The following MGA variants were observed in gnomAD, a reference collection of about 807,000 sequenced individuals.
MGA encodes MAX dimerization protein MGA.
MGA carries 40 observed loss-of-function variants against 261.1 expected under a neutral mutation model. That is an observed-to-expected ratio of 0.15 (90% CI 0.12 to 0.20). The LOEUF (loss-of-function observed/expected upper bound fraction) is 0.20, where lower values mean the gene tolerates loss of function less well. Ranked by LOEUF, MGA falls within the 10% of genes least tolerant of loss-of-function variation. The pLI, the probability that MGA is intolerant of heterozygous loss-of-function variation, is 1.00. For synonymous variants in MGA, 1,302 were observed against 1,290.6 expected (o/e 1.01, Z -0.19); for missense variants, 3,397 against 3,630.5 (o/e 0.94, Z 1.65).
At chr15:41,718,369 T>G in intron 9 of MGA, 1 of 883,814 alleles carries the variant, frequency 1.1e-6, no homozygotes, top group Non-Finnish European at 1.7e-6. Context: ...TCTTAAGAAG[T>G]TTAAAACACC....
In MGA at chr15:41,710,971, CA is replaced by C; in HGVS notation, c.2707del (p.Arg903AspfsTer30). 1 of 1,614,004 alleles carries C rather than the reference CA, an allele frequency of 6.2e-7. No individual in the cohort carries two copies. Among genetic ancestry groups the C allele is most frequent in the Non-Finnish European group, 8.5e-7 (1 of 1,179,890 alleles). On this transcript the variant is annotated frameshift_variant, in exon 8 of 24. Coordinates refer to ENST00000219905, the MANE Select transcript of MGA (RefSeq NM_001164273.2). LOFTEE classifies it high-confidence loss of function. Reference sequence around the variant, plus strand: ...TCTCTCGAAAGGCAAAGTCTCAAAACAGACAGGCAACTTTCAGTGGCCGAAC... The same window carrying C: ...TCTCTCGAAAGGCAAAGTCTCAAAACGACAGGCAACTTTCAGTGGCCGAAC...
Position 41,766,633 on chromosome 15 carries a change from A to G in MGA, c.8551A>G (p.Met2851Val), listed in dbSNP as rs375997810. 3.7e-5 allele frequency: 60 copies of G among 1,613,994 alleles called. No homozygotes were observed. The African/African-American group carries it at 5.3e-4, about 14-fold the overall frequency. Residue 2851 changes from methionine (M) to valine (V), a missense_variant, in exon 24 of 24, where the codon ATG becomes GTG. Coordinates refer to ENST00000219905, the MANE Select transcript of MGA (RefSeq NM_001164273.2). ...TGGCCTGGCTGAACTACCCAGCTCT[A>G]TGGATACAGAGTTCCCAGGGGATGC...
chr15:41,751,729 TA>T (rs745362876), intron 17 of MGA: 318 of 142,630 alleles, frequency 2.2e-3, no homozygotes, highest in Non-Finnish European at 2.1e-3. Flanking sequence ...TGTCTCGGGT[TA>T]AAAAAAAAAA....
chr15:41,731,033 A>G (rs548869940), intron 11 of MGA, among the ~76,000 whole-genome samples: 4 of 152,346 alleles, frequency 2.6e-5, no homozygotes, highest in East Asian at 1.9e-4. Context: ...CCAATTTTCT[A>G]TCCTGCATTT....
chr15:41,720,299 G>C (rs1297192479), intron 9 of MGA, among the ~76,000 whole-genome samples: 1 of 152,152 alleles, frequency 6.6e-6, no homozygotes, highest in Non-Finnish European at 1.5e-5. Flanking sequence ...ACTTTGTGGG[G>C]CCAAGGCAGG....
At chr15:41,697,718 G>A (rs550558698) in intron 3 of MGA, among the ~76,000 whole-genome samples, 2 of 151,002 alleles carry the variant, frequency 1.3e-5, no homozygotes, top group South Asian at 4.2e-4. Context: ...TCCTGGCCCT[G>A]GTTTTCAGTA....
Position 41,767,252 on chromosome 15 carries a change from G to C in MGA, c.9170G>C (p.Gly3057Ala), listed in dbSNP as rs376097905. ...GTTGTGGCTAAATTGGGCAACTCGG[G>C]GGCCTCACCAAGTTCTGCAGGGAAA... Residue 3057 changes from glycine to alanine, a missense_variant, in exon 24 of 24, where the codon GGG (glycine) becomes GCG (alanine). Physicochemically the swap from Gly to Ala is moderately conservative, Grantham distance 60. Transcript: ENST00000219905. 7 of 1,612,426 alleles carry C rather than the reference G, an allele frequency of 4.3e-6. No individual in the cohort carries two copies. The highest frequency in any genetic ancestry group is 5.9e-6 in the Non-Finnish European group (7 of 1,178,922).
chr15:41,654,934 C>T (rs1023070267), intron 1 of MGA, among the ~76,000 whole-genome samples: 3 of 152,128 alleles, frequency 2.0e-5, no homozygotes, highest in Non-Finnish European at 1.5e-5. Context: ...TCCATTACAG[C>T]TTGTTGCTTC....
intron 10 of MGA, among the ~76,000 whole-genome samples, chr15:41,728,219 T>C (rs1224219997): frequency 6.6e-6 from 1 of 152,086 alleles, no homozygotes; most frequent in African/African-American, 2.4e-5. Context: ...TAATCCCAGC[T>C]ACTCGGTAGG....
Position 41,699,537 on chromosome 15 carries a change from C to T in MGA, c.2188+378C>T, listed in dbSNP as rs1000469795. ...TGTTTGAGACGGAGTTTCGCTCTGT[C>T]GCCCAGGCGGCTGGAGTGCAGTGGT... On this transcript the variant is annotated intron_variant, in intron 5 of 23. Transcript: ENST00000219905. Among the ~76,000 whole-genome samples the T allele has an allele frequency of 8.5e-5, 13 of 152,152 alleles. No homozygotes were observed. In the South Asian group the frequency reaches 1.9e-3, roughly 22 times the overall value.
chr15:41,702,345 C>T (rs998126191), intron 5 of MGA, among the ~76,000 whole-genome samples: 3 of 150,538 alleles, frequency 2.0e-5, no homozygotes, highest in East Asian at 3.9e-4. Flanking sequence ...AAAAGCTGGA[C>T]TTAAACAGTT....
chr15:41,724,885 C>T (rs530722289), intron 9 of MGA, among the ~76,000 whole-genome samples: 8 of 152,082 alleles, frequency 5.3e-5, no homozygotes, highest in East Asian at 3.9e-4. Context: ...CTCAGGAGCC[C>T]CTTAGACAAA....
intron 2 of MGA, among the ~76,000 whole-genome samples, chr15:41,671,799 A>G (rs529953535): frequency 2.8e-4 from 42 of 152,164 alleles, no homozygotes; most frequent in Admixed American, 1.2e-3. Flanking sequence ...CTTGTCTATG[A>G]GCTGGTTATT....
intron 1 of MGA, among the ~76,000 whole-genome samples, chr15:41,633,045 G>A (rs555977306): frequency 1.3e-3 from 201 of 151,290 alleles, no homozygotes; most frequent in African/African-American, 4.7e-3. Flanking sequence ...TCTGCCTCCC[G>A]GGTTCAAGCG....
Position 41,764,968 on chromosome 15 carries a change from T to C in MGA, c.7827T>C (p.Gly2609=). Residue 2609 remains glycine (G), a synonymous_variant, in exon 23 of 24, where the codon GGT becomes GGC. Coordinates refer to ENST00000219905, the MANE Select transcript of MGA (RefSeq NM_001164273.2). ...AAGGGCAATTGCTCACCCTAAAAGG[T>C]CCCCTATTCTCAGGACCAGTGGTAG... 6 of 1,614,026 alleles carry C rather than the reference T, an allele frequency of 3.7e-6. No individual in the cohort carries two copies. The highest frequency in any genetic ancestry group is 5.1e-6 in the Non-Finnish European group (6 of 1,179,888).
intron 1 of MGA, among the ~76,000 whole-genome samples, chr15:41,623,667 C>T (rs1348922154): frequency 6.7e-6 from 1 of 148,820 alleles, no homozygotes; most frequent in Non-Finnish European, 1.5e-5. Flanking sequence ...GCGGAGGTTG[C>T]GGTGAGTGGA....
chr15:41,761,870 T>TCAC lies in MGA; in HGVS notation c.7510+21_7510+22insACC. On this transcript the variant is annotated intron_variant, in intron 21 of 23. Coordinates refer to ENST00000219905, the MANE Select transcript of MGA (RefSeq NM_001164273.2). ...TTTCAGGTGAGATAAGTAAATAATC[T>TCAC]CTGGTAAAGAGCATAATTATAGCTT... 1 of 1,459,700 alleles carries TCAC rather than the reference T, an allele frequency of 6.9e-7. No individual in the cohort carries two copies. The highest frequency in any genetic ancestry group is 9.4e-7 in the Non-Finnish European group (1 of 1,064,676). 90.4% of individuals were successfully genotyped at this position (1,459,700 alleles called of 1,614,324 possible). A position where few individuals can be genotyped will look rare whatever the true frequency, so the allele number is the denominator to read the frequency against.
At chr15:41,640,621 C>G (rs775722275) in intron 1 of MGA, among the ~76,000 whole-genome samples, 2 of 151,960 alleles carry the variant, frequency 1.3e-5, no homozygotes, top group Non-Finnish European at 2.9e-5. Flanking sequence ...CCGGTTCAAG[C>G]GATTCTCCTG....
Position 41,692,559 on chromosome 15 carries a change from T to G in MGA, c.1065-3516T>G, listed in dbSNP as rs532047966. 8.5e-5 allele frequency among the ~76,000 whole-genome samples: 13 copies of G among 152,344 alleles called. No individual in the cohort carries two copies. In the East Asian group the frequency reaches 2.5e-3, roughly 29 times the overall value. ...CACCTAGAGAAGGCTGATCTTCTTC[T>G]GTAATTCACTTCATTTAGGCTTATT... On this transcript the variant is annotated intron_variant, in intron 2 of 23. Transcript: ENST00000219905.
Sources: allele counts gnomAD v4.1 joint callset (sites outside exome capture counted in the v4.1 genomes callset), GRCh38; gene constraint gnomAD v4.1.1; transcripts MANE v1.5; gene names NCBI Gene and HGNC (gene_info 2026-07-23, HGNC 2026-07-21).